The following EXT1 variants were observed in gnomAD, a reference collection of about 807,000 sequenced individuals.
EXT1 encodes the protein exostosin-1.
EXT1 carries 20 observed loss-of-function variants against 82.5 expected under a neutral mutation model. That is an observed-to-expected ratio of 0.24 (90% CI 0.17 to 0.35). EXT1 has a LOEUF of 0.35. Ranked by LOEUF, EXT1 falls within the 10% of genes least tolerant of loss-of-function variation. The pLI, the probability that EXT1 is intolerant of heterozygous loss-of-function variation, is 1.00. For missense variants in EXT1, 757 were observed against 936.5 expected, an observed-to-expected ratio of 0.81 and a Z score of 2.50; for synonymous variants, 348 against 350.8, an observed-to-expected ratio of 0.99 and a Z score of 0.09.
Position 118,111,124 on chromosome 8 carries a change from G to C in EXT1, c.-78C>G, listed in dbSNP as rs2130046404. On this transcript the variant is annotated 5_prime_UTR_variant, in exon 1 of 11. Transcript: ENST00000378204. The stretch of plus-strand genomic sequence containing the variant: ...TTCCCAATCAACACTTTCAGCTCCA[G>C]TCCGCCATCTTCCCGCCTGTAAAGA... 6.5e-7 allele frequency: 1 copy of C among 1,530,342 alleles called. No individual in the cohort carries two copies. The highest frequency in any genetic ancestry group is 2.0e-5 in the Admixed American group (1 of 51,030). The allele number at this position is 1,530,342 out of a possible 1,614,324, so 94.8% of individuals were successfully genotyped here.
At chr8:118,047,258 G>A (rs1816637460) in intron 1 of EXT1, among the ~76,000 whole-genome samples, 1 of 152,100 alleles carries the variant, frequency 6.6e-6, no homozygotes, top group African/African-American at 2.4e-5. Context: ...TACTAATAAC[G>A]TGACCTTGGG....
rs1176049621 is a variant in EXT1 at position 117,796,363 on chromosome 8, T to G, written c.*3349A>C. 9.2e-5 allele frequency: 14 copies of G among 152,032 alleles called. No homozygotes were observed. The South Asian group carries it at 2.3e-3, about 25-fold the overall frequency. 9.4% of individuals were successfully genotyped at this position (152,032 alleles called of 1,614,324 possible). On this transcript the variant is annotated 3_prime_UTR_variant, in exon 11 of 11. Coordinates refer to ENST00000378204, the MANE Select transcript of EXT1 (RefSeq NM_000127.3). ...TGTTCTTAAATCAAGTGCCCTGTTT[T>G]TTTTTTTTTTAATTAAAAAAAATAG...
At chr8:117,954,716 T>C (rs1267843465) in intron 1 of EXT1, among the ~76,000 whole-genome samples, 1 of 152,152 alleles carries the variant, frequency 6.6e-6, no homozygotes, top group Admixed American at 6.5e-5. Context: ...ACCAAGAGCA[T>C]AACACCATCC....
rs140564145 is a variant in EXT1 at position 117,810,751 on chromosome 8, C to T, written c.1722+2121G>A. ...TTTGCCCTCCAAAATCCACTATCCACTCTTCTTGTCCTGCCCTGTGCCCTC... is the reference window on the plus strand; with the variant it reads ...TTTGCCCTCCAAAATCCACTATCCATTCTTCTTGTCCTGCCCTGTGCCCTC... On this transcript the variant is annotated intron_variant, in intron 8 of 10. Transcript: ENST00000378204. Among the ~76,000 whole-genome samples the T allele has an allele frequency of 2.9e-3, 439 of 152,308 alleles. 3 individuals are homozygous for T. The highest frequency in any genetic ancestry group is 5.4e-3 in the Non-Finnish European group (369 of 68,024).
intron 1 of EXT1, among the ~76,000 whole-genome samples, chr8:117,988,603 GC>G (rs1815371196): frequency 1.3e-5 from 2 of 152,272 alleles, no homozygotes; most frequent in South Asian, 4.1e-4. Context: ...GGAAAACAGT[GC>G]AGGCCTGAGC....
intron 7 of EXT1, 22 bp from the exon 8 acceptor site, chr8:117,812,983 CA>C (rs765638232): frequency 1.2e-6 from 2 of 1,600,974 alleles, no homozygotes; most frequent in Admixed American, 3.4e-5. Flanking sequence ...TAGAAGTAGG[CA>C]GTGGGGAGGG....
intron 1 of EXT1, among the ~76,000 whole-genome samples, chr8:117,934,886 G>A (rs562108969): frequency 1.3e-5 from 2 of 152,240 alleles, no homozygotes; most frequent in Admixed American, 6.5e-5. Context: ...CAGAGGTTGG[G>A]AATCTCAAAG....
chr8:117,966,062 T>C (rs904049242), intron 1 of EXT1, among the ~76,000 whole-genome samples: 1 of 152,034 alleles, frequency 6.6e-6, no homozygotes, highest in African/African-American at 2.4e-5. Context: ...ATCACCTGTT[T>C]TGTTAGCCAA....
intron 1 of EXT1, among the ~76,000 whole-genome samples, chr8:118,021,290 C>T (rs1241635123): frequency 1.3e-5 from 2 of 152,172 alleles, no homozygotes; most frequent in Non-Finnish European, 2.9e-5. Flanking sequence ...TATGTCAGAT[C>T]TGCAGGTATC....
At chr8:117,964,871 C>T (rs1426968992) in intron 1 of EXT1, among the ~76,000 whole-genome samples, 1 of 152,060 alleles carries the variant, frequency 6.6e-6, no homozygotes, top group Non-Finnish European at 1.5e-5. Flanking sequence ...CTCCTGACCT[C>T]GGGTGATCTG....
chr8:117,809,492 C>T (rs1823288499), intron 8 of EXT1, among the ~76,000 whole-genome samples: 1 of 151,514 alleles, frequency 6.6e-6, no homozygotes, highest in Non-Finnish European at 1.5e-5. Flanking sequence ...TAGAAATTGG[C>T]TGGGCGTGGT....
chr8:117,802,157 G>T (rs754733640), intron 10 of EXT1, among the ~76,000 whole-genome samples: 4 of 152,142 alleles, frequency 2.6e-5, no homozygotes, highest in Non-Finnish European at 5.9e-5. Context: ...TAGACCTAAG[G>T]TTAAATTTAG....
At chr8:117,844,764 G>C (rs531819641) in intron 1 of EXT1, among the ~76,000 whole-genome samples, 1 of 152,154 alleles carries the variant, frequency 6.6e-6, no homozygotes, top group Non-Finnish European at 1.5e-5. Context: ...CTATGCAAAT[G>C]TGCAGTGCTA....
intron 4 of EXT1, among the ~76,000 whole-genome samples, chr8:117,822,908 T>C (rs1261969129): frequency 6.6e-6 from 1 of 152,184 alleles, no homozygotes; most frequent in Non-Finnish European, 1.5e-5. Context: ...GTGGAGCAGT[T>C]AGTCTTTCCC....
chr8:118,032,024 A>G (rs1240522223), intron 1 of EXT1, among the ~76,000 whole-genome samples: 2 of 151,672 alleles, frequency 1.3e-5, no homozygotes, highest in Non-Finnish European at 2.9e-5. Context: ...CTGAAGTGCC[A>G]CACCCTTGCA....
chr8:118,043,582 T>C (rs908548399), intron 1 of EXT1, among the ~76,000 whole-genome samples: 12 of 152,150 alleles, frequency 7.9e-5, no homozygotes, highest in African/African-American at 1.4e-4. Context: ...CCACTAAGGG[T>C]AACCTCATTA....
chr8:118,026,708 G>T (rs1432054316), intron 1 of EXT1, among the ~76,000 whole-genome samples: 1 of 152,020 alleles, frequency 6.6e-6, no homozygotes, highest in Admixed American at 6.6e-5. Context: ...TTTTATCTTT[G>T]GGGGGAGGGA....
intron 1 of EXT1, among the ~76,000 whole-genome samples, chr8:117,980,086 G>T (rs942701461): frequency 3.3e-5 from 5 of 152,060 alleles, no homozygotes; most frequent in Non-Finnish European, 7.4e-5. Flanking sequence ...ATTCAGAGAG[G>T]GTCAGCACTC....
chr8:117,813,433 T>C (rs1169612315), intron 7 of EXT1, among the ~76,000 whole-genome samples: 2 of 152,182 alleles, frequency 1.3e-5, no homozygotes, highest in Non-Finnish European at 2.9e-5. Flanking sequence ...ACTTGGCAGA[T>C]GCAGAGGCAC....
Sources: gnomAD v4.1 joint callset for allele counts (sites outside exome capture counted in the v4.1 genomes callset) on GRCh38, gnomAD v4.1.1 for gene constraint, MANE v1.5 for transcripts, NCBI Gene and HGNC (gene_info 2026-07-23, HGNC 2026-07-21) for gene names.